The following AUTS2 variants were observed in gnomAD, a reference collection of about 807,000 sequenced individuals.
AUTS2 encodes autism susceptibility gene 2 protein.
A neutral mutation model predicts 112.4 loss-of-function variants in AUTS2; 17 were observed. The ratio of observed to expected loss-of-function variants is 0.15; its 90% CI spans 0.10 to 0.23. The LOEUF (loss-of-function observed/expected upper bound fraction) is 0.23. Among genes scored for constraint, AUTS2 ranks in the 10% least tolerant of loss-of-function variants. The pLI, the probability that AUTS2 is intolerant of heterozygous loss-of-function variation, is 1.00. For missense variants in AUTS2, 1,510 were observed against 1,701.6 expected (o/e 0.89, Z 1.98); for synonymous variants, 751 against 702.7 (o/e 1.07, Z -1.09).
chr7:70,269,881 A>C (rs1379132738), intron 4 of AUTS2, among the ~76,000 whole-genome samples: 2 of 152,172 alleles, frequency 1.3e-5, no homozygotes, highest in Non-Finnish European at 2.9e-5. Flanking sequence ...TGAAATAAAA[A>C]ACAGAATTGA....
intron 1 of AUTS2, among the ~76,000 whole-genome samples, chr7:69,706,154 A>G (rs1170652087): frequency 6.6e-6 from 1 of 152,164 alleles, no homozygotes; most frequent in Non-Finnish European, 1.5e-5. Context: ...GAAGAGAAGT[A>G]AAGATAGAGG....
At chr7:70,411,986 G>A (rs529327779) in intron 4 of AUTS2, among the ~76,000 whole-genome samples, 44 of 142,448 alleles carry the variant, frequency 3.1e-4, no homozygotes, top group Middle Eastern at 3.9e-3. Context: ...CCTCCACCTC[G>A]TGGGTTCAAG....
chr7:69,871,891 A>G (rs1793512941), intron 1 of AUTS2, among the ~76,000 whole-genome samples: 1 of 152,136 alleles, frequency 6.6e-6, no homozygotes, highest in South Asian at 2.1e-4. Context: ...GAAACTGGAG[A>G]TAAGGGGGAC....
At chr7:70,337,057 C>T (rs560957355) in intron 4 of AUTS2, among the ~76,000 whole-genome samples, 1 of 152,232 alleles carries the variant, frequency 6.6e-6, no homozygotes, top group Non-Finnish European at 1.5e-5. Context: ...AGGGTGGACC[C>T]CTGCTTTTTC....
chr7:69,692,895 T>C (rs1797407685), intron 1 of AUTS2, among the ~76,000 whole-genome samples: 1 of 152,212 alleles, frequency 6.6e-6, no homozygotes, highest in South Asian at 2.1e-4. Context: ...GGTTCCAGCT[T>C]TCAAGAGGCT....
chr7:70,238,631 A>T (rs1277706726), intron 4 of AUTS2, among the ~76,000 whole-genome samples: 1 of 151,828 alleles, frequency 6.6e-6, no homozygotes, highest in East Asian at 1.9e-4. Context: ...CTCCTTGCCT[A>T]TAGACAGTAC....
chr7:70,294,850 G>T (rs1200902866), intron 4 of AUTS2, among the ~76,000 whole-genome samples: 1 of 152,146 alleles, frequency 6.6e-6, no homozygotes, highest in Non-Finnish European at 1.5e-5. Flanking sequence ...GCCTGGAGTC[G>T]TTTTGTTTGT....
chr7:70,787,346 G>C lies in AUTS2; in HGVS notation c.2446G>C (p.Glu816Gln). ...GCCCTGGCTGAAGCCAGGGGAGCTG[G>C]AGCGCAGCGCGTCCGCTGCAGCTCA... ...PPPWLKPGELERSASAAAHDR... is the reference protein window; with the variant it reads ...PPPWLKPGELQRSASAAAHDR... Residue 816 changes from glutamate to glutamine, a missense_variant, in exon 18 of 19, where the codon GAG becomes CAG. Glu to Gln is a conservative substitution (Grantham distance 29). Coordinates refer to ENST00000342771, the MANE Select transcript of AUTS2 (RefSeq NM_015570.4). 1 of 1,614,118 alleles carries C rather than the reference G, an allele frequency of 6.2e-7. No homozygotes were observed. The highest frequency in any genetic ancestry group is 8.5e-7 in the Non-Finnish European group (1 of 1,179,974).
chr7:70,033,452 A>AGTGTGGGGCAAGATCT (rs1376207178), intron 2 of AUTS2, among the ~76,000 whole-genome samples: 5 of 152,194 alleles, frequency 3.3e-5, no homozygotes, highest in Non-Finnish European at 7.4e-5. Context: ...ATTGGGAAGC[A>AGTGTGGGGCAAGATCT]GTGTGGGGCA....
At chr7:69,889,883 A>G (rs1468367968) in intron 1 of AUTS2, among the ~76,000 whole-genome samples, 2 of 152,124 alleles carry the variant, frequency 1.3e-5, no homozygotes, top group African/African-American at 2.4e-5. Context: ...CCATTACACT[A>G]TCTTCTGTTG....
At chr7:70,615,565 C>CGTTGTTGTTGTTG (rs368083140) in intron 5 of AUTS2, among the ~76,000 whole-genome samples, 1 of 148,480 alleles carries the variant, frequency 6.7e-6, no homozygotes, top group African/African-American at 2.5e-5. Context: ...AGATTTATGG[C>CGTTGTTGTTGTTG]TTGTTGTTGT....
At chr7:70,042,499 T>TA (rs1312369193) in intron 2 of AUTS2, among the ~76,000 whole-genome samples, 1 of 152,080 alleles carries the variant, frequency 6.6e-6, no homozygotes, top group African/African-American at 2.4e-5. Context: ...TTTAAATGTG[T>TA]AAAAAAATTG....
intron 4 of AUTS2, among the ~76,000 whole-genome samples, chr7:70,403,932 GA>G: frequency 6.6e-6 from 1 of 152,304 alleles, no homozygotes; most frequent in East Asian, 1.9e-4. Flanking sequence ...GGAAAGGCTT[GA>G]AAACATTCAT....
chr7:70,302,345 C>T (rs867080960), intron 4 of AUTS2, among the ~76,000 whole-genome samples: 2 of 151,718 alleles, frequency 1.3e-5, no homozygotes, highest in Non-Finnish European at 2.9e-5. Flanking sequence ...ATTGAGGCTG[C>T]AGTGAGCTAT....
chr7:70,049,119 T>A (rs1801632442), intron 2 of AUTS2, among the ~76,000 whole-genome samples: 1 of 152,154 alleles, frequency 6.6e-6, no homozygotes, highest in Non-Finnish European at 1.5e-5. Context: ...AGTGGGCTAG[T>A]TAAATAGACG....
At chr7:70,748,996 A>G (rs1023312146) in intron 6 of AUTS2, among the ~76,000 whole-genome samples, 3 of 152,136 alleles carry the variant, frequency 2.0e-5, no homozygotes, top group Admixed American at 1.3e-4. Flanking sequence ...CCTTTTCTGC[A>G]TGGTCCAGTG....
intron 1 of AUTS2, among the ~76,000 whole-genome samples, chr7:69,745,918 G>A (rs1562854373): frequency 6.6e-6 from 1 of 152,144 alleles, no homozygotes; most frequent in Non-Finnish European, 1.5e-5. Flanking sequence ...CTTTTGCCCA[G>A]GCTGAAATGC....
rs578166427 is a variant in AUTS2, at chr7:69,998,512, G to C, written c.522+99014G>C. On this transcript the variant is annotated intron_variant, in intron 2 of 18. Coordinates refer to ENST00000342771, the MANE Select transcript of AUTS2 (RefSeq NM_015570.4). ...AAGTTGCTTAAAGGTGCCTGGTTCT[G>C]TGTGTTTGAGATTATTTATTCCATT... 7.9e-4 allele frequency among the ~76,000 whole-genome samples: 120 copies of C among 152,318 alleles called. 1 individual carries two copies. The highest frequency in any genetic ancestry group is 2.8e-3 in the African/African-American group (117 of 41,580).
intron 4 of AUTS2, among the ~76,000 whole-genome samples, chr7:70,261,470 C>A (rs987445386): frequency 6.6e-6 from 1 of 152,088 alleles, no homozygotes; most frequent in Non-Finnish European, 1.5e-5. Context: ...TACATTTTTT[C>A]TTTTATGTGT....
Sources: gnomAD v4.1 joint callset for allele counts (sites outside exome capture counted in the v4.1 genomes callset) on GRCh38, gnomAD v4.1.1 for gene constraint, MANE v1.5 for transcripts, NCBI Gene and HGNC (gene_info 2026-07-23, HGNC 2026-07-21) for gene names.